Variants in SMG6 observed in about 807,000 individuals in gnomAD.
SMG6 encodes the protein SMG6 nonsense mediated mRNA decay factor, also known as telomerase-binding protein EST1A.
In SMG6, 66 loss-of-function variants were observed where a neutral mutation model predicts 142.2. The ratio of observed to expected loss-of-function variants is 0.46; its 90% CI spans 0.38 to 0.57. SMG6 has a LOEUF of 0.57. Among genes scored for constraint, SMG6 ranks in the 20% least tolerant of loss-of-function variants. The pLI is 0.00. For synonymous variants in SMG6, 779 were observed against 702.4 expected, an observed-to-expected ratio of 1.11 and a Z score of -1.72; for missense variants, 1,793 against 1,832.0, an observed-to-expected ratio of 0.98 and a Z score of 0.39.
chr17:2,134,893 T>G (rs2070243645), intron 13 of SMG6, among the ~76,000 whole-genome samples: 1 of 152,142 alleles, frequency 6.6e-6, no homozygotes, highest in Non-Finnish European at 1.5e-5. Flanking sequence ...TTTATTTTTT[T>G]TTTTGAGACA....
At chr17:2,287,024 C>T (rs410378) in intron 6 of SMG6, among the ~76,000 whole-genome samples, 86,211 of 149,970 alleles carry the variant, frequency 0.57, 25,960 homozygotes, top group East Asian at 0.75. Context: ...CTCCGCCTCT[C>T]GGGTTCACGC....
intron 12 of SMG6, among the ~76,000 whole-genome samples, chr17:2,173,946 C>T (rs1397137098): frequency 6.7e-6 from 1 of 149,470 alleles, no homozygotes; most frequent in African/African-American, 2.5e-5. Context: ...CTTTCTTCTC[C>T]AGGAAAGCAC....
intron 14 of SMG6, 47 bp from the exon 15 acceptor site, chr17:2,082,003 G>C: frequency 1.2e-6 from 2 of 1,606,766 alleles, no homozygotes; most frequent in Non-Finnish European, 1.7e-6. Context: ...CAGTTAGCTG[G>C]GCCCATGGCT....
At chr17:2,284,034 A>G (rs2074849846) in intron 6 of SMG6, among the ~76,000 whole-genome samples, 1 of 152,240 alleles carries the variant, frequency 6.6e-6, no homozygotes, top group Non-Finnish European at 1.5e-5. Flanking sequence ...TTGTTCTTAG[A>G]AAAAGCATGA....
rs73979432 is a variant in SMG6, at chr17:2,222,424, G to A, written c.2869+14068C>T. Among the ~76,000 whole-genome samples the A allele has an allele frequency of 8.0e-3, 1,213 of 151,736 alleles. 18 individuals are homozygous for A. Among genetic ancestry groups the A allele is most frequent in the African/African-American group, 0.027 (1,113 of 41,336 alleles). ...AACAGAGAAAACAGCTAATGCGAAGGGCCAAAGGTGGGAGAGTCCCCAGCT... is the reference window on the plus strand; with the variant it reads ...AACAGAGAAAACAGCTAATGCGAAGAGCCAAAGGTGGGAGAGTCCCCAGCT... On this transcript the variant is annotated intron_variant, in intron 10 of 18. Transcript: ENST00000263073.
chr17:2,127,289 T>C (rs1274637706), intron 13 of SMG6: 2 of 401,388 alleles, frequency 5.0e-6, no homozygotes, highest in Non-Finnish European at 9.5e-6. Context: ...GCGTTTGGAA[T>C]GATGAAGAGT....
At chr17:2,210,759 T>TA (rs200480464) in intron 10 of SMG6, among the ~76,000 whole-genome samples, 4,076 of 120,792 alleles carry the variant, frequency 0.034, 96 homozygotes, top group African/African-American at 0.068. Flanking sequence ...GCAAAAGCTT[T>TA]AAAAAAAAAT....
chr17:2,104,554 A>C (rs1470024755), intron 13 of SMG6, among the ~76,000 whole-genome samples: 1 of 152,150 alleles, frequency 6.6e-6, no homozygotes, highest in Non-Finnish European at 1.5e-5. Flanking sequence ...GGTTGAAAAA[A>C]AAAAAGGTTC....
At chr17:2,066,670 C>CACACACACACACA (rs1217282829) in intron 16 of SMG6, among the ~76,000 whole-genome samples, 2 of 151,308 alleles carry the variant, frequency 1.3e-5, no homozygotes, top group Admixed American at 6.6e-5. Context: ...CACACACACA[C>CACACACACACACA]ACACACACAC....
chr17:2,232,077 A>C (rs1471927502), intron 10 of SMG6, among the ~76,000 whole-genome samples: 1 of 151,862 alleles, frequency 6.6e-6, no homozygotes, highest in African/African-American at 2.4e-5. Flanking sequence ...AGAGAGAACA[A>C]GAGGGGGAGA....
rs1025244087 is a variant in SMG6, at chr17:2,106,164, T to C, written c.3358-20263A>G. ...GAGGAGATACTGATTTCTGATTGAG[T>C]TCTCAGGGAGACCTTCTCTGCCATA... is the stretch of plus-strand genomic sequence containing the variant. On this transcript the variant is annotated intron_variant, in intron 13 of 18. Coordinates refer to ENST00000263073, the MANE Select transcript of SMG6 (RefSeq NM_017575.5). 1.1e-4 allele frequency among the ~76,000 whole-genome samples: 17 copies of C among 152,170 alleles called. 1 individual carries two copies.
chr17:2,260,559 C>T (rs934104794), intron 8 of SMG6, among the ~76,000 whole-genome samples: 3 of 152,182 alleles, frequency 2.0e-5, no homozygotes, highest in African/African-American at 4.8e-5. Flanking sequence ...TCTCTTCGTC[C>T]TCTGTCTCTG....
chr17:2,299,747 C>T lies in SMG6; in HGVS notation c.1006G>A (p.Glu336Lys). 5 of 1,614,174 alleles carry T rather than the reference C, an allele frequency of 3.1e-6. No individual in the cohort carries two copies. The South Asian group carries it at 4.4e-5, about 14-fold the overall frequency. Residue 336 changes from glutamate (E) to lysine (K), a missense_variant, in exon 2 of 19, where the codon GAG becomes AAG. Physicochemically the swap from Glu to Lys is moderately conservative, Grantham distance 56. Around this residue, in one of 3 missense-constraint regions of SMG6, gnomAD observed 1,597 missense variants for 1,584.6 expected, o/e 1.01. Coordinates refer to ENST00000263073, the MANE Select transcript of SMG6 (RefSeq NM_017575.5). The surrounding 1 kb of genome is among the most constrained non-coding windows in gnomAD (Gnocchi z 4.3). Reference protein sequence around the residue: ...HLERNWSGRGEGEQKNSAKEY... With the variant: ...HLERNWSGRGKGEQKNSAKEY... The stretch of plus-strand genomic sequence containing the variant: ...TTAGCACTGTTTTTCTGCTCACCCT[C>T]CCCACGGCCAGACCAGTTTCTTTCT...
intron 13 of SMG6, among the ~76,000 whole-genome samples, chr17:2,156,275 C>A (rs7213346): frequency 0.36 from 53,369 of 149,560 alleles, 10,227 homozygotes; most frequent in African/African-American, 0.5. Flanking sequence ...GTGCCTGTAA[C>A]CCCAGCTACT....
chr17:2,236,638 C>T lies in SMG6; in HGVS notation c.2724-1G>A. 6.2e-7 allele frequency: 1 copy of T among 1,609,362 alleles called. No individual in the cohort carries two copies. The highest frequency in any genetic ancestry group is 8.5e-7 in the Non-Finnish European group (1 of 1,177,708). On this transcript the variant is annotated splice_acceptor_variant, in intron 9 of 18. Coordinates refer to ENST00000263073, the MANE Select transcript of SMG6 (RefSeq NM_017575.5). LOFTEE classifies it high-confidence loss of function. ...AGCCACTGCAGGGAATGTCTCCATC[C>T]TGCAGATTCAGAAAACCCATCAATG... is the stretch of plus-strand genomic sequence containing the variant.
intron 15 of SMG6, among the ~76,000 whole-genome samples, chr17:2,080,790 C>CAGG (rs1349511455): frequency 1.3e-5 from 2 of 152,116 alleles, no homozygotes; most frequent in African/African-American, 4.8e-5. Flanking sequence ...TGTGCACCAC[C>CAGG]ATGCCCAGCT....
intron 6 of SMG6, among the ~76,000 whole-genome samples, chr17:2,289,489 C>T (rs1005410251): frequency 6.6e-6 from 1 of 151,268 alleles, no homozygotes; most frequent in African/African-American, 2.4e-5. Context: ...CCCAGGAGGT[C>T]GAGACTGCAG....
At chr17:2,170,282 G>A (rs139723133) in intron 13 of SMG6, among the ~76,000 whole-genome samples, 1 of 152,214 alleles carries the variant, frequency 6.6e-6, no homozygotes, top group East Asian at 1.9e-4. Flanking sequence ...TGTTCTCCTC[G>A]AGCCAAAACA....
chr17:2,072,246 G>A (rs1318510216), intron 15 of SMG6, among the ~76,000 whole-genome samples: 1 of 152,146 alleles, frequency 6.6e-6, no homozygotes, highest in South Asian at 2.1e-4. Flanking sequence ...GGAGTCAAGC[G>A]TGCTGACCCG....
Sources: allele counts gnomAD v4.1 joint callset (sites outside exome capture counted in the v4.1 genomes callset), GRCh38; gene constraint gnomAD v4.1.1; regional missense constraint gnomAD v4.1.1; non-coding constraint Gnocchi (gnomAD v3.1); transcripts MANE v1.5; gene names NCBI Gene and HGNC (gene_info 2026-07-23, HGNC 2026-07-21).